The following SDK1 variants were observed in gnomAD, a reference collection of about 807,000 sequenced individuals.
The protein encoded by SDK1 is sidekick cell adhesion molecule 1, also known as protein sidekick-1.
SDK1 carries 157 observed loss-of-function variants against 245.5 expected under a neutral mutation model. The ratio of observed to expected loss-of-function variants is 0.64; its 90% CI spans 0.56 to 0.73. The LOEUF (loss-of-function observed/expected upper bound fraction) is 0.73, where lower values mean the gene tolerates loss of function less well. Ranked by LOEUF, SDK1 falls within the 30% of genes least tolerant of loss-of-function variation. The pLI is 0.00. For missense variants in SDK1, 3,583 were observed against 3,002.3 expected, an observed-to-expected ratio of 1.19 and a Z score of -4.52; for synonymous variants, 1,647 against 1,278.5, an observed-to-expected ratio of 1.29 and a Z score of -6.15.
At chr7:3,624,261 C>T (rs931019772) in intron 2 of SDK1, among the ~76,000 whole-genome samples, 1 of 152,168 alleles carries the variant, frequency 6.6e-6, no homozygotes, top group East Asian at 1.9e-4. Context: ...TGCAAGTGGC[C>T]TGATCATGGC....
At chr7:4,037,130 T>C (rs1472075598) in intron 17 of SDK1, among the ~76,000 whole-genome samples, 3 of 152,218 alleles carry the variant, frequency 2.0e-5, no homozygotes, top group African/African-American at 7.2e-5. Flanking sequence ...GCTTGTCAAT[T>C]TGAAATTGCA....
At chr7:3,530,048 C>T (rs549826368) in intron 1 of SDK1, among the ~76,000 whole-genome samples, 1 of 152,168 alleles carries the variant, frequency 6.6e-6, no homozygotes, top group African/African-American at 2.4e-5. Context: ...AATGTAGTAA[C>T]TAGATCAAAG....
intron 1 of SDK1, among the ~76,000 whole-genome samples, chr7:3,589,045 C>G (rs1400990092): frequency 6.6e-6 from 1 of 152,210 alleles, no homozygotes; most frequent in Non-Finnish European, 1.5e-5. Flanking sequence ...TCAATATTAG[C>G]TAACAGCTGT....
At chr7:3,477,968 T>G (rs1375578744) in intron 1 of SDK1, among the ~76,000 whole-genome samples, 1 of 152,170 alleles carries the variant, frequency 6.6e-6, no homozygotes, top group African/African-American at 2.4e-5. Flanking sequence ...TGCCTTTACT[T>G]TTTTTCCTAA....
At chr7:3,481,344 T>G (rs1417191602) in intron 1 of SDK1, among the ~76,000 whole-genome samples, 1 of 152,208 alleles carries the variant, frequency 6.6e-6, no homozygotes, top group Non-Finnish European at 1.5e-5. Flanking sequence ...TGACTGCATA[T>G]CATCCTGGTA....
intron 2 of SDK1, among the ~76,000 whole-genome samples, chr7:3,625,942 C>CTTTTTTTTTTTTTT (rs3086084): frequency 2.3e-5 from 3 of 129,800 alleles, no homozygotes; most frequent in African/African-American, 5.8e-5. Context: ...TCTTTTCTTT[C>CTTTTTTTTTTTTTT]TTTTTTTTTT....
At chr7:4,239,511 C>G (rs1381999508) in intron 42 of SDK1, among the ~76,000 whole-genome samples, 1 of 152,234 alleles carries the variant, frequency 6.6e-6, no homozygotes, top group Non-Finnish European at 1.5e-5. Flanking sequence ...CAGAATGTAA[C>G]TGACTGCTAG....
chr7:3,513,854 G>C (rs1782654200), intron 1 of SDK1, among the ~76,000 whole-genome samples: 1 of 152,024 alleles, frequency 6.6e-6, no homozygotes, highest in Non-Finnish European at 1.5e-5. Context: ...TCAGTATCTA[G>C]CTCTCATTTA....
intron 1 of SDK1, among the ~76,000 whole-genome samples, chr7:3,572,609 T>G (rs1025339936): frequency 6.6e-6 from 1 of 152,026 alleles, no homozygotes; most frequent in Non-Finnish European, 1.5e-5. Flanking sequence ...CTTCTATTAT[T>G]ATTATTTTAT....
At position 3,301,288 on chromosome 7, in the gene SDK1, G is replaced by A. The variant is rs954773864; in HGVS notation, c.-299G>A. ...TCAGCGCCGGGCGGGGGCGGCGGCG[G>A]CGGCGGCTCCTCCGCGCCCGGCGGA... On this transcript the variant is annotated 5_prime_UTR_variant, in exon 1 of 45. Transcript: ENST00000404826. Among the ~76,000 whole-genome samples, 4 of 146,996 alleles carry A rather than the reference G, an allele frequency of 2.7e-5. No homozygotes were observed. Among genetic ancestry groups the A allele is most frequent in the African/African-American group, 7.4e-5 (3 of 40,778 alleles).
chr7:3,348,462 G>T (rs565401155), intron 1 of SDK1, among the ~76,000 whole-genome samples: 1 of 149,442 alleles, frequency 6.7e-6, no homozygotes, highest in South Asian at 2.1e-4. Context: ...GCAGAAAACC[G>T]AAAACAACAT....
intron 4 of SDK1, among the ~76,000 whole-genome samples, chr7:3,668,206 C>A (rs1242801877): frequency 1.3e-5 from 2 of 152,146 alleles, no homozygotes; most frequent in Admixed American, 1.3e-4. Flanking sequence ...GTTTTGTACA[C>A]AAATCTGCAA....
chr7:4,174,343 A>C lies in SDK1; in HGVS notation c.4922A>C (p.His1641Pro), dbSNP rs671694. Residue 1641 changes from histidine (H) to proline (P), a missense_variant, in exon 33 of 45, where the codon CAT (histidine) becomes CCT (proline). By Grantham distance (77) the His-to-Pro change is moderately conservative. Coordinates refer to ENST00000404826, the MANE Select transcript of SDK1 (RefSeq NM_152744.4). ...ACGCTCAAAAACCCTATAGCTTTAC[A>C]TGCTGAGCTCACAGGTGAGACTGTC... ...AKTLKNPIAL[H>P]AELTAQSSFK... The C allele has an allele frequency of 2.5e-5, 41 of 1,613,668 alleles. No homozygotes were observed. The South Asian group carries it at 4.4e-4, about 17-fold the overall frequency.
chr7:3,547,862 C>A (rs1271445550), intron 1 of SDK1, among the ~76,000 whole-genome samples: 2 of 152,226 alleles, frequency 1.3e-5, no homozygotes, highest in Non-Finnish European at 2.9e-5. Context: ...GCTTTCCTTT[C>A]TGCCTGGCCA....
chr7:4,222,512 C>G (rs948576229), intron 40 of SDK1, among the ~76,000 whole-genome samples: 3 of 152,142 alleles, frequency 2.0e-5, no homozygotes, highest in African/African-American at 7.2e-5. Flanking sequence ...CCAGGCTGGT[C>G]TCAAACTCCT....
intron 40 of SDK1, among the ~76,000 whole-genome samples, chr7:4,227,979 G>T (rs1345147474): frequency 5.9e-5 from 9 of 152,200 alleles, no homozygotes; most frequent in Admixed American, 5.2e-4. Flanking sequence ...ATACAGAAAA[G>T]ATTTCTTTTT....
intron 1 of SDK1, among the ~76,000 whole-genome samples, chr7:3,599,821 C>T (rs942761918): frequency 1.3e-5 from 2 of 152,168 alleles, no homozygotes; most frequent in African/African-American, 2.4e-5. Context: ...CTATGAATAC[C>T]ATACTGTCCT....
At chr7:4,173,947 G>C (rs1161077673) in intron 32 of SDK1, among the ~76,000 whole-genome samples, 1 of 152,168 alleles carries the variant, frequency 6.6e-6, no homozygotes, top group Non-Finnish European at 1.5e-5. Context: ...CCCAGCCTGG[G>C]GGCTCATTTG....
At chr7:3,303,441 T>C (rs1269148570) in intron 1 of SDK1, among the ~76,000 whole-genome samples, 2 of 152,244 alleles carry the variant, frequency 1.3e-5, no homozygotes, top group African/African-American at 4.8e-5. Flanking sequence ...AGTGGCTTTG[T>C]TTTGAAGTAT....
Sources: gnomAD v4.1 joint callset for allele counts (sites outside exome capture counted in the v4.1 genomes callset) on GRCh38, gnomAD v4.1.1 for gene constraint, MANE v1.5 for transcripts, NCBI Gene and HGNC (gene_info 2026-07-23, HGNC 2026-07-21) for gene names.